The following ITGB2 variants were observed in gnomAD, a reference collection of about 807,000 sequenced individuals.
ITGB2 encodes the protein integrin subunit beta 2.
ITGB2 carries 56 observed loss-of-function variants against 86.8 expected under a neutral mutation model. The observed-to-expected ratio is 0.65, with a 90% confidence interval of 0.52 to 0.81. The LOEUF is 0.81. Among genes scored for constraint, ITGB2 ranks in the 30% least tolerant of loss-of-function variants. The probability of loss-of-function intolerance (pLI) is 0.00; values close to 1 mark genes in which losing one functional copy is unlikely to be tolerated. For missense variants in ITGB2, 948 were observed against 1,061.2 expected, an observed-to-expected ratio of 0.89 and a Z score of 1.48; for synonymous variants, 457 against 450.4, an observed-to-expected ratio of 1.01 and a Z score of -0.19.
At chr21:44,892,135 A>C (rs2083794914) in intron 10 of ITGB2, 139 bp from the exon 11 acceptor site, 1 of 849,178 alleles carries the variant, frequency 1.2e-6, no homozygotes, top group African/African-American at 1.7e-5. Flanking sequence ...GAGCAGGAAG[A>C]GCTGATGCTC....
chr21:44,910,813 G>A (rs140701477), intron 1 of ITGB2, 28 bp from the exon 2 acceptor site: 1 of 1,607,646 alleles, frequency 6.2e-7, no homozygotes, highest in Non-Finnish European at 8.5e-7. Context: ...CTTGGTGACG[G>A]TCTCAGGCCC....
rs753118064 is a variant in ITGB2 at position 44,886,708 on chromosome 21, C to A, written c.2247+28G>T. 8.1e-6 allele frequency: 13 copies of A among 1,613,732 alleles called. No homozygotes were observed. The African/African-American group carries it at 1.2e-4, about 15-fold the overall frequency. ...AGTGTGGGACGCACGTGCCCCTCTG[C>A]GTGGGACCCCCAAGGACGGCCACTT... On this transcript the variant is annotated intron_variant, in intron 15 of 15. Transcript: ENST00000652462.
rs1198434958 is a variant in ITGB2, at chr21:44,903,401, G to A, written c.463C>T (p.Arg155Trp). ...GACTCGGTGATCTCGTTGAGGGCCCGGAGCAGGTCGCCACCTAGCTTCTTG... is the reference window on the plus strand; with the variant it reads ...GACTCGGTGATCTCGTTGAGGGCCCAGAGCAGGTCGCCACCTAGCTTCTTG... ...NVKKLGGDLLRALNEITESGR... is the reference protein window; with the variant it reads ...NVKKLGGDLLWALNEITESGR... The change falls in exon 5 of 16, where the codon CGG becomes TGG. Residue 155 changes from arginine (R) to tryptophan (W), a missense_variant. Coordinates refer to ENST00000652462, the MANE Select transcript of ITGB2 (RefSeq NM_000211.5). 1.3e-5 allele frequency: 21 copies of A among 1,614,096 alleles called. No homozygotes were observed. The highest frequency in any genetic ancestry group is 2.2e-5 in the East Asian group (1 of 44,870).
At chr21:44,894,769 A>G in intron 9 of ITGB2, 1 of 630,232 alleles carries the variant, frequency 1.6e-6, no homozygotes, top group Non-Finnish European at 2.9e-6. Context: ...CATCAACGAG[A>G]GAGGACCCAG....
chr21:44,900,240 C>G, intron 7 of ITGB2, 80 bp downstream of exon 7: 1 of 1,561,742 alleles, frequency 6.4e-7, no homozygotes, highest in Non-Finnish European at 8.8e-7. Context: ...GAGGCTCTGT[C>G]AGGTGGAGAC....
chr21:44,913,167 C>T (rs924508103), intron 1 of ITGB2, among the ~76,000 whole-genome samples: 1 of 151,952 alleles, frequency 6.6e-6, no homozygotes, highest in Non-Finnish European at 1.5e-5. Context: ...TTCAGGACTC[C>T]CCCAGGTCGC....
At position 44,897,102 on chromosome 21, in the gene ITGB2, C is replaced by T. The variant is rs2083881179; in HGVS notation, c.993+1965G>A. 1.3e-5 allele frequency among the ~76,000 whole-genome samples: 2 copies of T among 152,186 alleles called. 1 individual carries two copies. Among genetic ancestry groups the T allele is most frequent in the South Asian group, 4.1e-4 (2 of 4,830 alleles). ...TCTGGGTGCCCACTCGGAGGGTCCC[C>T]CAGACACCTGCCCCCATCCCGTGTC... On this transcript the variant is annotated intron_variant, in intron 8 of 15. Coordinates refer to ENST00000652462, the MANE Select transcript of ITGB2 (RefSeq NM_000211.5).
rs572946942 is a variant in ITGB2, at chr21:44,902,927, G to A, written c.499+438C>T. 9.6e-4 allele frequency among the ~76,000 whole-genome samples: 146 copies of A among 152,374 alleles called. 1 individual carries two copies. Among genetic ancestry groups the A allele is most frequent in the Non-Finnish European group, 1.8e-3 (121 of 68,034 alleles). On this transcript the variant is annotated intron_variant, in intron 5 of 15. Coordinates refer to ENST00000652462, the MANE Select transcript of ITGB2 (RefSeq NM_000211.5). ...CATGCGCTGTGACTGACACACACGT[G>A]TGCTGGAGACCTGCTCTGTGGCAAG...
At chr21:44,918,986 C>A (rs150504119) in intron 1 of ITGB2, among the ~76,000 whole-genome samples, 1 of 152,158 alleles carries the variant, frequency 6.6e-6, no homozygotes, top group South Asian at 2.1e-4. Context: ...TCCCAGCACT[C>A]GGAGCTGAGC....
At chr21:44,913,909 G>C (rs562268618) in intron 1 of ITGB2, among the ~76,000 whole-genome samples, 1 of 152,212 alleles carries the variant, frequency 6.6e-6, no homozygotes, top group Non-Finnish European at 1.5e-5. Context: ...CGGGCAAACA[G>C]GTGCCTGGCC....
chr21:44,901,708 G>A lies in ITGB2; in HGVS notation c.525C>T (p.Thr175=), dbSNP rs200134130. 2,038 of 1,612,224 alleles carry A rather than the reference G, an allele frequency of 1.3e-3. 16 individuals are homozygous for A. Among genetic ancestry groups the A allele is most frequent in the Non-Finnish European group, 4.5e-4 (527 of 1,178,292 alleles). Residue 175 remains threonine, a synonymous_variant, in exon 6 of 16, where the codon ACC becomes ACT. Transcript: ENST00000652462. ...RIGFGSFVDK[T]VLPFVNTHPD... ...GGTGCGTGTTCACGAACGGCAGCAC[G>A]GTCTTGTCCACGAAGGACCCGAAGC...
chr21:44,904,643 A>G (rs2084015854), intron 4 of ITGB2, among the ~76,000 whole-genome samples: 1 of 151,742 alleles, frequency 6.6e-6, no homozygotes, highest in African/African-American at 2.4e-5. Context: ...ACACTCGCAC[A>G]CACATACACA....
At chr21:44,907,148 G>A in intron 3 of ITGB2, 53 bp from the exon 4 acceptor site, 3 of 1,399,162 alleles carry the variant, frequency 2.1e-6, no homozygotes, top group Non-Finnish European at 3.0e-6. Flanking sequence ...GGACCTGCAG[G>A]AGGCTGACTG....
intron 10 of ITGB2, among the ~76,000 whole-genome samples, chr21:44,892,627 A>AAAAAAAC (rs2083804114): frequency 1.4e-5 from 2 of 147,304 alleles, no homozygotes; most frequent in Non-Finnish European, 3.0e-5. Context: ...AAAAAAAAAA[A>AAAAAAAC]TCCACAGGCA....
chr21:44,921,178 G>A (rs1422693646), upstream of ITGB2: 2 of 152,324 alleles, frequency 1.3e-5, no homozygotes, highest in Admixed American at 6.5e-5. Context: ...CACCCATTAG[G>A]AAGAAGAACA....
chr21:44,918,333 G>A (rs763611799), intron 1 of ITGB2, among the ~76,000 whole-genome samples: 1 of 152,270 alleles, frequency 6.6e-6, no homozygotes, highest in African/African-American at 2.4e-5. Context: ...AATCGCCACA[G>A]GCGTCACGCT....
intron 9 of ITGB2, chr21:44,893,840 A>C (rs2083825345): frequency 2.4e-6 from 1 of 415,224 alleles, no homozygotes; most frequent in East Asian, 5.3e-5. Context: ...AGCACAGGGC[A>C]GGAGCTGCAT....
At chr21:44,890,882 A>G (rs1332801931) in intron 11 of ITGB2, among the ~76,000 whole-genome samples, 1 of 152,118 alleles carries the variant, frequency 6.6e-6, no homozygotes, top group African/African-American at 2.4e-5. Flanking sequence ...AGTCCCGTGA[A>G]GAGGCCGCCC....
At chr21:44,921,882 C>T (rs937421565), upstream of ITGB2, among the ~76,000 whole-genome samples, 2 of 152,106 alleles carry the variant, frequency 1.3e-5, no homozygotes, top group African/African-American at 2.4e-5. Context: ...TACCACCACG[C>T]CTGGGTAATT....
Sources: gnomAD v4.1 joint callset for allele counts (sites outside exome capture counted in the v4.1 genomes callset) on GRCh38, gnomAD v4.1.1 for gene constraint, MANE v1.5 for transcripts, NCBI Gene and HGNC (gene_info 2026-07-23, HGNC 2026-07-21) for gene names.